Variants in LRMDA observed in about 807,000 individuals in gnomAD.
LRMDA encodes the protein leucine rich melanocyte differentiation associated, also known as leucine-rich melanocyte differentiation-associated protein.
Under a neutral mutation model 29.8 loss-of-function variants are expected in LRMDA, and 18 were observed. The observed-to-expected ratio is 0.60, with a 90% CI of 0.42 to 0.90. The LOEUF is 0.90. Ranked by LOEUF, LRMDA falls within the 40% of genes least tolerant of loss-of-function variation. The pLI is 0.00. For missense variants in LRMDA, 273 were observed against 273.9 expected (o/e 1.00, Z 0.02); for synonymous variants, 125 against 109.4 (o/e 1.14, Z -0.89).
intron 6 of LRMDA, among the ~76,000 whole-genome samples, chr10:76,509,334 T>C (rs1370140584): frequency 6.6e-6 from 1 of 152,106 alleles, no homozygotes; most frequent in Non-Finnish European, 1.5e-5. Flanking sequence ...GCCCTAGACA[T>C]GAGTGATGAA....
At chr10:75,980,700 T>C (rs1847153137) in intron 2 of LRMDA, among the ~76,000 whole-genome samples, 1 of 152,256 alleles carries the variant, frequency 6.6e-6, no homozygotes. Context: ...ACAAAGCAAC[T>C]GATGTCTTAC....
At chr10:76,075,922 A>G (rs1848949011) in intron 5 of LRMDA, among the ~76,000 whole-genome samples, 1 of 152,220 alleles carries the variant, frequency 6.6e-6, no homozygotes, top group African/African-American at 2.4e-5. Flanking sequence ...TGTCTGCCTT[A>G]GTTACCTCAT....
intron 2 of LRMDA, among the ~76,000 whole-genome samples, chr10:75,475,479 G>A (rs748655262): frequency 2.6e-5 from 4 of 152,150 alleles, no homozygotes; most frequent in African/African-American, 7.2e-5. Context: ...GACTGCTTCC[G>A]AGAGATAATT....
intron 2 of LRMDA, among the ~76,000 whole-genome samples, chr10:75,856,957 T>G (rs1331642222): frequency 1.3e-5 from 2 of 152,194 alleles, no homozygotes; most frequent in South Asian, 4.1e-4. Flanking sequence ...CAAAATCTCC[T>G]TAAGCTGATA....
intron 1 of LRMDA, among the ~76,000 whole-genome samples, chr10:75,437,319 C>T (rs749006647): frequency 1.2e-4 from 18 of 152,220 alleles, no homozygotes; most frequent in Non-Finnish European, 2.2e-4. Flanking sequence ...GAAACACCCT[C>T]CTGGGGAGTC....
chr10:75,434,434 G>A (rs1012616087), intron 1 of LRMDA, among the ~76,000 whole-genome samples: 1 of 152,150 alleles, frequency 6.6e-6, no homozygotes, highest in Admixed American at 6.5e-5. Context: ...TAACACCTTT[G>A]GAGGAGTTAG....
chr10:76,545,653 AT>A (rs1015430814), intron 6 of LRMDA, among the ~76,000 whole-genome samples: 2 of 147,198 alleles, frequency 1.4e-5, no homozygotes, highest in African/African-American at 4.9e-5. Flanking sequence ...TATTATTATT[AT>A]TATTATTATT....
chr10:76,305,674 A>G (rs1195380287), intron 5 of LRMDA, among the ~76,000 whole-genome samples: 2 of 152,214 alleles, frequency 1.3e-5, no homozygotes, highest in African/African-American at 4.8e-5. Context: ...ATTGCACAGG[A>G]CATCAGACTT....
rs192610248 is a variant in LRMDA at position 76,476,770 on chromosome 10, C to T, written c.602-80439C>T. On this transcript the variant is annotated intron_variant, in intron 6 of 6. Transcript: ENST00000611255. ...CATATGCAAATCAATAAATGTAATC[C>T]AGCATATAAACAGAACCAAAGACAA... Among the ~76,000 whole-genome samples, 964 of 152,140 alleles carry T rather than the reference C, an allele frequency of 6.3e-3. 7 individuals are homozygous for T. The highest frequency in any genetic ancestry group is 0.023 in the African/African-American group (935 of 41,498).
chr10:76,052,580 T>C (rs1181891354), intron 4 of LRMDA, among the ~76,000 whole-genome samples: 2 of 152,150 alleles, frequency 1.3e-5, no homozygotes, highest in South Asian at 2.1e-4. Flanking sequence ...AAAAAAAAGG[T>C]ATTTCTCCTG....
At chr10:75,613,050 G>T (rs1000548465) in intron 2 of LRMDA, among the ~76,000 whole-genome samples, 10 of 151,968 alleles carry the variant, frequency 6.6e-5, no homozygotes, top group African/African-American at 2.4e-4. Flanking sequence ...TCCTGGGCAA[G>T]GCTGTCTTCA....
chr10:76,224,208 G>A (rs1404046438), intron 5 of LRMDA, among the ~76,000 whole-genome samples: 2 of 151,668 alleles, frequency 1.3e-5, no homozygotes, highest in Non-Finnish European at 2.9e-5. Context: ...AGTAATGAGG[G>A]AACCAGTGAT....
At chr10:75,507,337 C>T (rs913934109) in intron 2 of LRMDA, among the ~76,000 whole-genome samples, 1 of 152,198 alleles carries the variant, frequency 6.6e-6, no homozygotes, top group Non-Finnish European at 1.5e-5. Flanking sequence ...TCTCCTGAAG[C>T]AGCTTCTTCA....
intron 2 of LRMDA, among the ~76,000 whole-genome samples, chr10:75,613,460 T>C (rs1002457746): frequency 2.0e-5 from 3 of 152,172 alleles, no homozygotes; most frequent in African/African-American, 7.2e-5. Flanking sequence ...GATCAGACAG[T>C]ATCTCTAAAT....
intron 5 of LRMDA, among the ~76,000 whole-genome samples, chr10:76,273,987 C>CT (rs966092985): frequency 7.9e-5 from 12 of 151,780 alleles, no homozygotes; most frequent in Admixed American, 6.6e-5. Flanking sequence ...GCAGGATTTA[C>CT]TTTTTTTTAG....
intron 2 of LRMDA, among the ~76,000 whole-genome samples, chr10:75,703,352 G>A (rs1842330903): frequency 6.6e-6 from 1 of 152,238 alleles, no homozygotes; most frequent in Non-Finnish European, 1.5e-5. Context: ...GATAACTGCA[G>A]ATCTGCCGAT....
intron 6 of LRMDA, among the ~76,000 whole-genome samples, chr10:76,382,644 A>G (rs566643801): frequency 6.6e-6 from 1 of 152,272 alleles, no homozygotes; most frequent in East Asian, 1.9e-4. Context: ...TAATCTGCAA[A>G]GTTGATGCCT....
intron 6 of LRMDA, among the ~76,000 whole-genome samples, chr10:76,479,590 A>T (rs1842715910): frequency 6.6e-6 from 1 of 151,904 alleles, no homozygotes; most frequent in Admixed American, 6.6e-5. Flanking sequence ...TGCCCTGTCC[A>T]AAATGCCCTG....
intron 2 of LRMDA, among the ~76,000 whole-genome samples, chr10:75,525,794 A>G (rs1485134536): frequency 6.6e-6 from 1 of 150,912 alleles, no homozygotes; most frequent in Non-Finnish European, 1.5e-5. Flanking sequence ...GGTATTTCTT[A>G]CCAAACTCTG....
Sources: allele counts gnomAD v4.1 joint callset (sites outside exome capture counted in the v4.1 genomes callset), GRCh38; gene constraint gnomAD v4.1.1; transcripts MANE v1.5; gene names NCBI Gene and HGNC (gene_info 2026-07-23, HGNC 2026-07-21).